Variants in UTP20 observed in about 807,000 individuals in gnomAD.
UTP20 encodes the protein UTP20 small subunit processome component.
A neutral mutation model predicts 329.5 loss-of-function variants in UTP20; 164 were observed. The ratio of observed to expected loss-of-function variants is 0.50; its 90% CI spans 0.44 to 0.57. UTP20 has a LOEUF of 0.57. UTP20 is among the 20% of genes least tolerant of loss of function. The pLI, the probability that UTP20 is intolerant of heterozygous loss-of-function variation, is 0.00. For missense variants in UTP20, 3,055 were observed against 3,284.2 expected (o/e 0.93, Z 1.71); for synonymous variants, 1,151 against 1,159.3 (o/e 0.99, Z 0.14).
Position 101,386,199 on chromosome 12 carries a change from G to A in UTP20, c.*76G>A, listed in dbSNP as rs1301434848. ...CTGAAATTACAGTAGGTTGTCTGGG[G>A]TAGGGGGGAGGCGTTTTTTTTTTTT... On this transcript the variant is annotated 3_prime_UTR_variant, in exon 62 of 62. Coordinates refer to ENST00000261637, the MANE Select transcript of UTP20 (RefSeq NM_014503.3). 4.2e-6 allele frequency: 6 copies of A among 1,425,798 alleles called. No homozygotes were observed. In the South Asian group the frequency reaches 5.2e-5, roughly 12 times the overall value. 88.3% of individuals were successfully genotyped at this position (1,425,798 alleles called of 1,614,324 possible).
intron 35 of UTP20, among the ~76,000 whole-genome samples, chr12:101,344,082 C>A (rs555075694): frequency 6.6e-6 from 1 of 152,018 alleles, no homozygotes; most frequent in South Asian, 2.1e-4. Context: ...TTAAGGATTA[C>A]GTAATATATG....
At chr12:101,359,483 G>A (rs2120992281) in intron 43 of UTP20, among the ~76,000 whole-genome samples, 1 of 137,736 alleles carries the variant, frequency 7.3e-6, no homozygotes, top group South Asian at 2.2e-4. Context: ...GTGTGTGTGT[G>A]TGTATGTATG....
rs780109691 is a variant in UTP20, at chr12:101,312,092, G to A, written c.2368G>A (p.Glu790Lys). ...GAAGTCCGTTGGAGATGAAAGTTGG[G>A]AGCAGACCCAGGAAGGAGATGTTGG... ...DEKSVGDESW[E>K]QTQEGDVGAL... The change falls in exon 21 of 62, where the codon GAG (glutamate) becomes AAG (lysine). Residue 790 changes from glutamate (E) to lysine (K), a missense_variant. Coordinates refer to ENST00000261637, the MANE Select transcript of UTP20 (RefSeq NM_014503.3). 6.2e-7 allele frequency: 1 copy of A among 1,614,226 alleles called. No individual in the cohort carries two copies. The highest frequency in any genetic ancestry group is 1.1e-5 in the South Asian group (1 of 91,084).
At position 101,321,534 on chromosome 12, in the gene UTP20, A is replaced by G; in HGVS notation, c.2946A>G (p.Arg982=). The G allele has an allele frequency of 1.2e-6, 2 of 1,613,538 alleles. No homozygotes were observed. The highest frequency in any genetic ancestry group is 1.7e-6 in the Non-Finnish European group (2 of 1,179,700). The change falls in exon 25 of 62, where the codon AGA becomes AGG. Residue 982 remains arginine (R), a synonymous_variant. Transcript: ENST00000261637. ...ACTTACAAAGGTTGCTTGAAGACAG[A>G]AGCTTTAAGGAAGAGATAGTGCATT... ...RENLQRLLED[R]SFKEEIVHFS... is the part of the protein sequence containing the mutation.
chr12:101,310,597 A>AAAAAAAAAAAAAAAAAAAAAAAAAAAG (rs1380114662), intron 19 of UTP20, among the ~76,000 whole-genome samples: 1 of 150,342 alleles, frequency 6.7e-6, no homozygotes, highest in African/African-American at 2.5e-5. Context: ...AAAAAAAAAA[A>AAAAAAAAAAAAAAAAAAAAAAAAAAAG]ATACATGTTA....
At chr12:101,382,160 T>C (rs942652774) in intron 58 of UTP20, among the ~76,000 whole-genome samples, 13 of 152,162 alleles carry the variant, frequency 8.5e-5, no homozygotes, top group African/African-American at 3.1e-4. Flanking sequence ...ACATCAGCAC[T>C]TCAGGAGGCC....
Position 101,295,647 on chromosome 12 carries a change from G to T in UTP20, c.1419G>T (p.Pro473=). The change falls in exon 12 of 62, where the codon CCG becomes CCT. Residue 473 remains proline (P), a synonymous_variant. Coordinates refer to ENST00000261637, the MANE Select transcript of UTP20 (RefSeq NM_014503.3). ...AIEKYPLVFS[P]QMVGFYIKQK... ...AAAAGTACCCTCTGGTTTTCTCACCGCAGATGGTGGGGTGAGTTCTAACTT... is the reference window on the plus strand; with the variant it reads ...AAAAGTACCCTCTGGTTTTCTCACCTCAGATGGTGGGGTGAGTTCTAACTT... 1 of 1,601,896 alleles carries T rather than the reference G, an allele frequency of 6.2e-7. No individual in the cohort carries two copies. Among genetic ancestry groups the T allele is most frequent in the African/African-American group, 1.3e-5 (1 of 74,734 alleles).
chr12:101,303,441 G>T (rs1209915482), intron 15 of UTP20, among the ~76,000 whole-genome samples: 2 of 152,142 alleles, frequency 1.3e-5, no homozygotes, highest in African/African-American at 4.8e-5. Context: ...TTACTGAGGA[G>T]GAGACACTTA....
At chr12:101,359,243 T>G (rs1179934741) in intron 43 of UTP20, among the ~76,000 whole-genome samples, 2 of 152,044 alleles carry the variant, frequency 1.3e-5, no homozygotes, top group Non-Finnish European at 2.9e-5. Flanking sequence ...TTTTTGTATT[T>G]TTAGTAGAGA....
At chr12:101,313,886 TA>T (rs1872877223) in intron 21 of UTP20, among the ~76,000 whole-genome samples, 2 of 152,188 alleles carry the variant, frequency 1.3e-5, no homozygotes. Flanking sequence ...AGTTCATTTT[TA>T]GATGTTTTAA....
At chr12:101,281,292 T>G in intron 2 of UTP20, 96 bp downstream of exon 2, 1 of 1,086,742 alleles carries the variant, frequency 9.2e-7, no homozygotes, top group Non-Finnish European at 1.4e-6. Flanking sequence ...TATTCCTTTT[T>G]GGACATGAAA....
intron 45 of UTP20, among the ~76,000 whole-genome samples, chr12:101,364,794 T>C (rs1382856637): frequency 6.6e-6 from 1 of 152,202 alleles, no homozygotes; most frequent in Non-Finnish European, 1.5e-5. Flanking sequence ...GTGAGCCTTA[T>C]CTAAGAATGT....
At chr12:101,382,976 T>C in intron 58 of UTP20, 65 bp from the exon 59 acceptor site, 1 of 1,535,652 alleles carries the variant, frequency 6.5e-7, no homozygotes, top group Non-Finnish European at 8.7e-7. Flanking sequence ...GCTTATGCTC[T>C]ACTAAGCCTT....
Position 101,290,419 on chromosome 12 carries a change from A to ACC in UTP20, c.735+147_735+148dup, listed in dbSNP as rs1872102696. On this transcript the variant is annotated intron_variant, in intron 7 of 61. Coordinates refer to ENST00000261637, the MANE Select transcript of UTP20 (RefSeq NM_014503.3). ...TGTTGGGTGTTCAGTAACAATGCTT[A>ACC]CCCAATGTAGGCCTTGGACAGTGAG... The ACC allele has an allele frequency of 2.9e-6, 3 of 1,018,060 alleles. No homozygotes were observed. In the South Asian group the frequency reaches 7.2e-5, roughly 24 times the overall value. 63.1% of individuals were successfully genotyped at this position (1,018,060 alleles called of 1,614,324 possible).
chr12:101,288,724 C>G (rs1008517501), intron 5 of UTP20, among the ~76,000 whole-genome samples: 1 of 152,190 alleles, frequency 6.6e-6, no homozygotes, highest in Admixed American at 6.5e-5. Flanking sequence ...TCAACTTTTC[C>G]TGGAGTCTTG....
chr12:101,288,114 G>A (rs1271060623), intron 5 of UTP20, among the ~76,000 whole-genome samples: 4 of 152,176 alleles, frequency 2.6e-5, no homozygotes, highest in Non-Finnish European at 5.9e-5. Context: ...TATGACTTGA[G>A]CACCTTTCTG....
intron 22 of UTP20, among the ~76,000 whole-genome samples, chr12:101,319,039 A>G (rs182569534): frequency 2.8e-4 from 43 of 152,232 alleles, no homozygotes; most frequent in Admixed American, 1.8e-3. Context: ...TCAGTTACCC[A>G]TGGTCAACCA....
chr12:101,334,587 T>A, intron 29 of UTP20, 83 bp downstream of exon 29: 2 of 1,148,538 alleles, frequency 1.7e-6, no homozygotes, highest in Non-Finnish European at 2.5e-6. Flanking sequence ...ACTAATAGTG[T>A]AATTTATGGT....
rs1872810829 is a variant in UTP20 at position 101,312,097 on chromosome 12, G to C, written c.2373G>C (p.Gln791His). ...EKSVGDESWE[Q>H]TQEGDVGALY... ...CCGTTGGAGATGAAAGTTGGGAGCA[G>C]ACCCAGGAAGGAGATGTTGGAGCTC... The change falls in exon 21 of 62, where the codon CAG (glutamine) becomes CAC (histidine). Residue 791 changes from glutamine to histidine, a missense_variant. Coordinates refer to ENST00000261637, the MANE Select transcript of UTP20 (RefSeq NM_014503.3). 6.2e-7 allele frequency: 1 copy of C among 1,614,222 alleles called. No homozygotes were observed. The highest frequency in any genetic ancestry group is 2.2e-5 in the East Asian group (1 of 44,876).
Sources: allele counts gnomAD v4.1 joint callset (sites outside exome capture counted in the v4.1 genomes callset), GRCh38; gene constraint gnomAD v4.1.1; transcripts MANE v1.5; gene names NCBI Gene and HGNC (gene_info 2026-07-23, HGNC 2026-07-21).